Variants in ADAMTSL1 observed in about 807,000 individuals in gnomAD.
ADAMTSL1 encodes ADAMTS-like protein 1.
ADAMTSL1 carries 126 observed loss-of-function variants against 201.8 expected under a neutral mutation model. The ratio of observed to expected loss-of-function variants is 0.62; its 90% CI spans 0.54 to 0.72. The LOEUF is 0.72. Among genes scored for constraint, ADAMTSL1 ranks in the 30% least tolerant of loss-of-function variants. The probability of loss-of-function intolerance (pLI) is 0.00; values close to 1 mark genes in which losing one functional copy is unlikely to be tolerated. For synonymous variants in ADAMTSL1, 1,121 were observed against 903.4 expected, an observed-to-expected ratio of 1.24 and a Z score of -4.32; for missense variants, 2,679 against 2,277.8, an observed-to-expected ratio of 1.18 and a Z score of -3.59.
intron 2 of ADAMTSL1, among the ~76,000 whole-genome samples, chr9:18,334,798 A>G (rs2082166633): frequency 6.6e-6 from 1 of 152,170 alleles, no homozygotes; most frequent in African/African-American, 2.4e-5. Context: ...TACCACTTCC[A>G]TTATAAGAAA....
chr9:18,793,567 C>T (rs1822183520), intron 19 of ADAMTSL1, among the ~76,000 whole-genome samples: 1 of 152,092 alleles, frequency 6.6e-6, no homozygotes, highest in South Asian at 2.1e-4. Context: ...CCCCTATTAA[C>T]TGCTTACCTC....
At chr9:18,257,170 T>C (rs1468427313) in intron 2 of ADAMTSL1, among the ~76,000 whole-genome samples, 1 of 152,244 alleles carries the variant, frequency 6.6e-6, no homozygotes, top group Non-Finnish European at 1.5e-5. Flanking sequence ...ATGGTGATCA[T>C]CACAACACAA....
At chr9:18,342,614 T>C (rs965658184) in intron 2 of ADAMTSL1, among the ~76,000 whole-genome samples, 1 of 152,186 alleles carries the variant, frequency 6.6e-6, no homozygotes, top group Non-Finnish European at 1.5e-5. Context: ...ACAGATTAGA[T>C]GATGGTTTAG....
At chr9:18,196,679 C>G (rs570479049) in intron 2 of ADAMTSL1, among the ~76,000 whole-genome samples, 1 of 152,062 alleles carries the variant, frequency 6.6e-6, no homozygotes, top group African/African-American at 2.4e-5. Context: ...ATCCTGATCA[C>G]AGCCTCCAGT....
chr9:18,100,971 T>C (rs1435925033), intron 1 of ADAMTSL1, among the ~76,000 whole-genome samples: 1 of 152,190 alleles, frequency 6.6e-6, no homozygotes, highest in Admixed American at 6.5e-5. Flanking sequence ...TTTTCGCTCT[T>C]GATGGCTTGT....
chr9:18,102,868 G>T (rs775186267), intron 1 of ADAMTSL1, among the ~76,000 whole-genome samples: 1 of 152,196 alleles, frequency 6.6e-6, no homozygotes, highest in Non-Finnish European at 1.5e-5. Context: ...TGAATAATCA[G>T]AGCTAGAAGA....
At chr9:17,984,513 A>G (rs776067396) in intron 1 of ADAMTSL1, among the ~76,000 whole-genome samples, 19 of 152,142 alleles carry the variant, frequency 1.2e-4, no homozygotes, top group Non-Finnish European at 2.8e-4. Context: ...TATATGAAGT[A>G]TGTACCAATT....
intron 23 of ADAMTSL1, among the ~76,000 whole-genome samples, chr9:18,887,143 T>G (rs1828948430): frequency 6.6e-6 from 1 of 152,208 alleles, no homozygotes; most frequent in South Asian, 2.1e-4. Flanking sequence ...TTCAAGGAAT[T>G]TCTCTCACAA....
chr9:18,902,717 C>T (rs1237321092), intron 26 of ADAMTSL1, among the ~76,000 whole-genome samples: 2 of 151,922 alleles, frequency 1.3e-5, no homozygotes, highest in African/African-American at 2.4e-5. Flanking sequence ...CAAACTAAAC[C>T]TAACGCTAGC....
chr9:18,406,525 T>G (rs1364319526), intron 2 of ADAMTSL1, among the ~76,000 whole-genome samples: 2 of 151,938 alleles, frequency 1.3e-5, no homozygotes, highest in African/African-American at 2.4e-5. Context: ...GAGACAGGGT[T>G]TCACCATGTT....
At chr9:18,814,404 G>C (rs1177969740) in intron 20 of ADAMTSL1, among the ~76,000 whole-genome samples, 1 of 152,016 alleles carries the variant, frequency 6.6e-6, no homozygotes, top group Admixed American at 6.6e-5. Flanking sequence ...CACAGCAAAG[G>C]AAACAATCAA....
intron 2 of ADAMTSL1, among the ~76,000 whole-genome samples, chr9:18,356,570 A>C (rs1321644647): frequency 6.8e-6 from 1 of 147,204 alleles, no homozygotes; most frequent in African/African-American, 2.5e-5. Context: ...TCTGCAGCCT[A>C]AAAAATTTTA....
At chr9:18,633,362 T>A (rs1587750364) in intron 5 of ADAMTSL1, among the ~76,000 whole-genome samples, 1 of 151,900 alleles carries the variant, frequency 6.6e-6, no homozygotes. Context: ...GAGGCCGAGG[T>A]GGGTGGATCA....
intron 12 of ADAMTSL1, among the ~76,000 whole-genome samples, chr9:18,684,481 C>G (rs1830704206): frequency 6.6e-6 from 1 of 152,142 alleles, no homozygotes; most frequent in Admixed American, 6.5e-5. Flanking sequence ...AATGACTTTC[C>G]TTTGCTATTC....
intron 2 of ADAMTSL1, among the ~76,000 whole-genome samples, chr9:18,407,845 T>C (rs1343903170): frequency 1.3e-5 from 2 of 152,122 alleles, no homozygotes; most frequent in African/African-American, 2.4e-5. Flanking sequence ...GTCAAAGATA[T>C]TAGAGAATGT....
At chr9:17,909,237 G>C (rs1284463384) in intron 1 of ADAMTSL1, among the ~76,000 whole-genome samples, 1 of 147,278 alleles carries the variant, frequency 6.8e-6, no homozygotes, top group Non-Finnish European at 1.5e-5. Context: ...TGTCAGATGA[G>C]TAGGTTGCAA....
intron 2 of ADAMTSL1, among the ~76,000 whole-genome samples, chr9:18,177,407 C>T (rs927758702): frequency 3.3e-5 from 5 of 152,140 alleles, no homozygotes; most frequent in African/African-American, 7.2e-5. Flanking sequence ...GTGGCTAAAA[C>T]GTTGCGTCAT....
intron 23 of ADAMTSL1, among the ~76,000 whole-genome samples, chr9:18,850,635 C>A (rs1004759011): frequency 6.6e-6 from 1 of 152,184 alleles, no homozygotes; most frequent in Admixed American, 6.5e-5. Context: ...AATAAAGGCT[C>A]TTGGCCCTGC....
In ADAMTSL1 at chr9:18,274,562, C is replaced by CA. The variant is rs911602451; in HGVS notation, c.207+110590dup. Among the ~76,000 whole-genome samples, 410 of 149,258 alleles carry CA rather than the reference C, an allele frequency of 2.7e-3. 2 individuals carry two copies. The highest frequency in any genetic ancestry group is 8.3e-3 in the African/African-American group (340 of 40,802). On this transcript the variant is annotated intron_variant, in intron 2 of 29. Transcript: ENST00000680146. ...ATAAAAAGAAAATTTGTACTTAATG[C>CA]AAAAAAAAATATTCATTATGCTCAT...
Sources: gnomAD v4.1 joint callset for allele counts (sites outside exome capture counted in the v4.1 genomes callset) on GRCh38, gnomAD v4.1.1 for gene constraint, MANE v1.5 for transcripts, NCBI Gene and HGNC (gene_info 2026-07-23, HGNC 2026-07-21) for gene names.